ANAPC5: variants seen among roughly 807,000 people sequenced by gnomAD.
ANAPC5 encodes anaphase-promoting complex subunit 5.
ANAPC5 carries 60 observed loss-of-function variants against 91.3 expected under a neutral mutation model. That is an observed-to-expected ratio of 0.66 (90% CI 0.53 to 0.81). The LOEUF is 0.81. Among genes scored for constraint, ANAPC5 ranks in the 40% least tolerant of loss-of-function variants. The pLI, the probability that ANAPC5 is intolerant of heterozygous loss-of-function variation, is 0.00. For synonymous variants in ANAPC5, 340 were observed against 364.1 expected (o/e 0.93, Z 0.75); for missense variants, 690 against 931.5 (o/e 0.74, Z 3.37).
intron 5 of ANAPC5, among the ~76,000 whole-genome samples, chr12:121,338,184 A>C (rs1903316843): frequency 6.6e-6 from 1 of 151,856 alleles, no homozygotes. Context: ...GTTCAAGAAC[A>C]ACCTGGGCAA....
chr12:121,347,852 G>C lies in ANAPC5; in HGVS notation c.237C>G (p.Tyr79Ter). Residue 79 changes from tyrosine to a stop codon, truncating the protein, a stop_gained, in exon 2 of 17, where the codon TAC (tyrosine) becomes TAG (stop). Transcript: ENST00000261819. LOFTEE classifies it high-confidence loss of function. ...QGPDITLSKL[Y>*]KLIEESCPQL... ...GTGGACAAGACTCTTCAATTAACTTGTAAAGTTTTGACAGTGTAATATCTG... is the reference window on the plus strand; with the variant it reads ...GTGGACAAGACTCTTCAATTAACTTCTAAAGTTTTGACAGTGTAATATCTG... The C allele has an allele frequency of 6.2e-7, 1 of 1,613,646 alleles. No homozygotes were observed. Among genetic ancestry groups the C allele is most frequent in the Non-Finnish European group, 8.5e-7 (1 of 1,179,652 alleles).
At chr12:121,317,373 C>T (rs1902411384) in intron 15 of ANAPC5, among the ~76,000 whole-genome samples, 2 of 151,806 alleles carry the variant, frequency 1.3e-5, no homozygotes, top group African/African-American at 2.4e-5. Context: ...CCTGCCTCAG[C>T]CTCCCGAGTG....
At chr12:121,337,147 G>A in intron 6 of ANAPC5, 144 bp downstream of exon 6, 1 of 574,002 alleles carries the variant, frequency 1.7e-6, no homozygotes, top group South Asian at 1.8e-5. Flanking sequence ...GAACCAGGGA[G>A]TCGGAGGTTG....
At chr12:121,328,185 C>G in intron 10 of ANAPC5, 131 bp downstream of exon 10, 1 of 819,150 alleles carries the variant, frequency 1.2e-6, no homozygotes, top group Non-Finnish European at 1.9e-6. Context: ...TAGTCTAAAA[C>G]ATAGTCCCCT....
chr12:121,331,949 G>A (rs1903056838), intron 7 of ANAPC5: 1 of 152,304 alleles, frequency 6.6e-6, no homozygotes, highest in Non-Finnish European at 1.5e-5. Flanking sequence ...TCAGGCGATG[G>A]ACCTCAGCCT....
rs372451754 is a variant in ANAPC5 at position 121,330,598 on chromosome 12, T to C, written c.1107A>G (p.Val369=). 4.4e-5 allele frequency: 71 copies of C among 1,613,852 alleles called. No homozygotes were observed. Among genetic ancestry groups the C allele is most frequent in the Non-Finnish European group, 5.4e-5 (64 of 1,179,952 alleles). The change falls in exon 9 of 17, where the codon GTA becomes GTG. Residue 369 remains valine, a synonymous_variant. Coordinates refer to ENST00000261819, the MANE Select transcript of ANAPC5 (RefSeq NM_016237.5). ...TGAGCCTTACCGGTAACCCAAAATG[T>C]ACTGCCTTCTTCACAGAATGCTCCA... ...VLLEHSVKKA[V]HFGLPYLASL... is the part of the protein sequence containing the mutation.
Position 121,342,123 on chromosome 12 carries a change from A to G in ANAPC5, c.591-54T>C, listed in dbSNP as rs1566195252. The G allele has an allele frequency of 7.8e-7, 1 of 1,286,212 alleles. No individual in the cohort carries two copies. Among genetic ancestry groups the G allele is most frequent in the Admixed American group, 2.1e-5 (1 of 48,532 alleles). The allele number at this position is 1,286,212 out of a possible 1,614,324, so 79.7% of individuals were successfully genotyped here. On this transcript the variant is annotated intron_variant, in intron 4 of 16. Coordinates refer to ENST00000261819, the MANE Select transcript of ANAPC5 (RefSeq NM_016237.5). This position sits in a 1 kb window ranked among gnomAD's most constrained non-coding sequence, Gnocchi z 4.1. ...AAAGAATTACACAAAAGTAAAAATG[A>G]TAACATTTATAAAATCAGATGGATT...
intron 13 of ANAPC5, among the ~76,000 whole-genome samples, chr12:121,319,002 A>C (rs1385259268): frequency 6.6e-6 from 1 of 152,006 alleles, no homozygotes. Flanking sequence ...CCTGGGCGAC[A>C]GAGTGAGACT....
At chr12:121,328,101 A>G in intron 10 of ANAPC5, 3 of 483,528 alleles carry the variant, frequency 6.2e-6, no homozygotes, top group Non-Finnish European at 7.4e-6. Context: ...TACCTCACAA[A>G]GTGGTTGGGA....
chr12:121,315,482 A>T (rs747715404), intron 15 of ANAPC5, among the ~76,000 whole-genome samples: 1 of 138,786 alleles, frequency 7.2e-6, no homozygotes, highest in East Asian at 2.0e-4. Context: ...AATAGCCAAA[A>T]CAATCCTGAA....
chr12:121,309,714 C>T lies in ANAPC5; in HGVS notation c.2043G>A (p.Pro681=), dbSNP rs111320099. The change falls in exon 16 of 17, where the codon CCG becomes CCA. Residue 681 remains proline (P), a synonymous_variant. Coordinates refer to ENST00000261819, the MANE Select transcript of ANAPC5 (RefSeq NM_016237.5). ...ACAGCTTCCTACCTTCTGCTTTCTT[C>T]GGCTGATCGTAGGAAGCTGCTGAAG... The part of the protein sequence containing the change: ...QVASAASYDQ[P]KKAEALEAAI... 11,220 of 1,613,800 alleles carry T rather than the reference C, an allele frequency of 7.0e-3. 117 individuals carry two copies. The highest frequency in any genetic ancestry group is 0.032 in the South Asian group (2,939 of 91,042).
intron 1 of ANAPC5, among the ~76,000 whole-genome samples, chr12:121,349,832 G>A (rs1480801995): frequency 6.7e-6 from 1 of 149,180 alleles, no homozygotes; most frequent in East Asian, 2.0e-4. Context: ...TCAGCCTCCC[G>A]AGTAGCTGGG....
At chr12:121,335,436 G>C in intron 7 of ANAPC5, 97 bp downstream of exon 7, 6 of 1,392,484 alleles carry the variant, frequency 4.3e-6, no homozygotes, top group Non-Finnish European at 5.8e-6. Context: ...AAAGTGCTGG[G>C]ACTATAGGCG....
intron 11 of ANAPC5, among the ~76,000 whole-genome samples, chr12:121,325,862 G>A (rs956909376): frequency 1.3e-5 from 2 of 152,128 alleles, no homozygotes; most frequent in Non-Finnish European, 2.9e-5. Flanking sequence ...GCGACACTCC[G>A]TTTCAAAAAA....
intron 7 of ANAPC5, chr12:121,334,954 G>C (rs1168090726): frequency 6.6e-6 from 1 of 151,994 alleles, no homozygotes; most frequent in Non-Finnish European, 1.5e-5. Flanking sequence ...CTAGGGGGCA[G>C]ACTATTTAGG....
intron 5 of ANAPC5, among the ~76,000 whole-genome samples, chr12:121,341,770 A>C (rs1300334456): frequency 6.6e-6 from 1 of 152,208 alleles, no homozygotes; most frequent in Non-Finnish European, 1.5e-5. Flanking sequence ...CCATTACTAA[A>C]TGAAACCTGG....
At chr12:121,339,296 C>A (rs1328025608) in intron 5 of ANAPC5, among the ~76,000 whole-genome samples, 1 of 152,056 alleles carries the variant, frequency 6.6e-6, no homozygotes, top group Non-Finnish European at 1.5e-5. Flanking sequence ...GGTGATCCAC[C>A]TGCCTCTGCC....
Position 121,320,445 on chromosome 12 carries a change from T to C in ANAPC5, c.1455A>G (p.Ala485=), listed in dbSNP as rs762075756. 3 of 1,613,914 alleles carry C rather than the reference T, an allele frequency of 1.9e-6. No homozygotes were observed. The highest frequency in any genetic ancestry group is 3.3e-4 in the Middle Eastern group (2 of 6,058). ...TCAAGTGCTTTAACACTTCAGAAGC[T>C]GCAGCAAAACAGCCCTAAAGTAGAA... ...ELHAEQGCFA[A]ASEVLKHLKE... is the part of the protein sequence containing the mutation. Residue 485 remains alanine, a synonymous_variant, in exon 12 of 17, where the codon GCA becomes GCG. Coordinates refer to ENST00000261819, the MANE Select transcript of ANAPC5 (RefSeq NM_016237.5).
At chr12:121,316,825 T>C (rs1197741658) in intron 15 of ANAPC5, among the ~76,000 whole-genome samples, 2 of 146,198 alleles carry the variant, frequency 1.4e-5, no homozygotes, top group Non-Finnish European at 3.0e-5. Context: ...AGCCAAAAGG[T>C]GGAAACGACT....
Sources: gnomAD v4.1 joint callset for allele counts (sites outside exome capture counted in the v4.1 genomes callset) on GRCh38, gnomAD v4.1.1 for gene constraint, Gnocchi (gnomAD v3.1) non-coding constraint, MANE v1.5 for transcripts, NCBI Gene and HGNC (gene_info 2026-07-23, HGNC 2026-07-21) for gene names.